Variants in ATP6AP2 observed in about 807,000 individuals in gnomAD.
ATP6AP2 encodes renin receptor.
ATP6AP2 carries 1 observed loss-of-function variant against 23.4 expected under a neutral mutation model. That is an observed-to-expected ratio of 0.04 (90% CI 0.02 to 0.20). The LOEUF is 0.20. Among genes scored for constraint, ATP6AP2 ranks in the 10% least tolerant of loss-of-function variants. The pLI, the probability that ATP6AP2 is intolerant of heterozygous loss-of-function variation, is 1.00. For missense variants in ATP6AP2, 174 were observed against 271.3 expected, an observed-to-expected ratio of 0.64 and a Z score of 2.52; for synonymous variants, 90 against 97.1, an observed-to-expected ratio of 0.93 and a Z score of 0.43.
chrX:40,581,802 C>T (rs1290957946), intron 1 of ATP6AP2, among the ~76,000 whole-genome samples: 1 of 111,548 alleles, frequency 9.0e-6, no homozygotes, highest in African/African-American at 3.3e-5. Flanking sequence ...AAGAAATCAG[C>T]TAATACGTGG....
intron 3 of ATP6AP2, 174 bp from the exon 4 acceptor site, chrX:40,597,075 G>A: frequency 2.3e-6 from 1 of 443,151 alleles, no homozygotes; most frequent in Non-Finnish European, 4.0e-6. Flanking sequence ...TTACCAGGGG[G>A]CTGTTTAATC....
At chrX:40,593,784 G>A (rs1177845217) in intron 3 of ATP6AP2, among the ~76,000 whole-genome samples, 2 of 111,404 alleles carry the variant, frequency 1.8e-5, no homozygotes, top group East Asian at 5.6e-4. Context: ...TCTCAGTGCT[G>A]GGATTACAGG....
chrX:40,590,370 T>TTTTTG (rs1401089368), intron 2 of ATP6AP2: 2 of 108,839 alleles, frequency 1.8e-5, no homozygotes, highest in African/African-American at 6.7e-5. Context: ...CCTAATTCTT[T>TTTTTG]TTTTGTTTTG....
At chrX:40,601,962 A>G (rs5963812) in intron 8 of ATP6AP2, among the ~76,000 whole-genome samples, 15,270 of 112,031 alleles carry the variant, frequency 0.14, 2,073 homozygotes, top group African/African-American at 0.4. Context: ...TAGAAATGCT[A>G]GATAAAAATA....
intron 8 of ATP6AP2, among the ~76,000 whole-genome samples, chrX:40,602,933 TTTTTTTTTG>T (rs1309730524): frequency 0.03 from 352 of 11,665 alleles, 10 homozygotes; most frequent in Non-Finnish European, 0.059. Flanking sequence ...TTTTTTTTTT[TTTTTTTTTG>T]GATTTTTTGG....
At chrX:40,581,622 A>G (rs1314239451) in intron 1 of ATP6AP2, among the ~76,000 whole-genome samples, 2 of 112,201 alleles carry the variant, frequency 1.8e-5, no homozygotes, top group Non-Finnish European at 3.8e-5. Context: ...CATTATTTTT[A>G]TATGACTTAT....
chrX:40,600,528 A>C (rs1926878093), intron 7 of ATP6AP2: 1 of 276,090 alleles, frequency 3.6e-6, no homozygotes, highest in African/African-American at 2.8e-5. Flanking sequence ...TTGTAGCTGC[A>C]CAAAAGCTTT....
intron 7 of ATP6AP2, 170 bp downstream of exon 7, chrX:40,599,911 T>TA (rs763228538): frequency 1.9e-6 from 1 of 523,510 alleles, no homozygotes; most frequent in Non-Finnish European, 3.1e-6. Context: ...TGTATATTGA[T>TA]ATATTTCTTC....
At chrX:40,590,701 C>T (rs1926607019) in intron 2 of ATP6AP2, 2 of 120,629 alleles carry the variant, frequency 1.7e-5, no homozygotes, top group South Asian at 2.9e-4. Context: ...CAACCTTAAA[C>T]TTGACTACTG....
chrX:40,591,557 T>A, intron 3 of ATP6AP2, 192 bp downstream of exon 3: 2 of 493,949 alleles, frequency 4.0e-6, no homozygotes, highest in East Asian at 8.3e-5. Flanking sequence ...GGCTTGGCTG[T>A]TCTCTGTGGA....
At chrX:40,590,157 C>G (rs1412119651) in intron 2 of ATP6AP2, 1 of 111,705 alleles carries the variant, frequency 9.0e-6, no homozygotes, top group Non-Finnish European at 1.9e-5. Flanking sequence ...CCTGCCTCAG[C>G]CTCCTGCCTC....
chrX:40,606,711 T>A lies in ATP6AP2; in HGVS notation c.*956T>A, dbSNP rs1927078574. 1 of 112,177 alleles carries A rather than the reference T, an allele frequency of 8.9e-6. No individual in the cohort carries two copies. The highest frequency in any genetic ancestry group is 3.2e-5 in the African/African-American group (1 of 30,781). 9.2% of individuals were successfully genotyped at this position (112,177 alleles called of 1,213,427 possible). A position where few individuals can be genotyped will look rare whatever the true frequency, so the allele number is the denominator to read the frequency against. ...AAAACAGGCTTTTCTTTCATCAGGA[T>A]TGGCTGTTTTGTTGTACAGATAATT... On this transcript the variant is annotated 3_prime_UTR_variant, in exon 9 of 9. Coordinates refer to ENST00000636580, the MANE Select transcript of ATP6AP2 (RefSeq NM_005765.3).
At chrX:40,586,528 G>A (rs1178289692) in intron 1 of ATP6AP2, among the ~76,000 whole-genome samples, 3 of 111,827 alleles carry the variant, frequency 2.7e-5, no homozygotes, top group African/African-American at 9.8e-5. Flanking sequence ...GAGGTTATCT[G>A]GTGAGACTGA....
intron 3 of ATP6AP2, chrX:40,591,761 G>A: frequency 4.9e-6 from 1 of 203,277 alleles, no homozygotes; most frequent in East Asian, 1.3e-4. Context: ...GCTGCTTGCT[G>A]GCTCACTTAC....
At chrX:40,591,042 T>C in intron 2 of ATP6AP2, 192 bp from the exon 3 acceptor site, 2 of 454,194 alleles carry the variant, frequency 4.4e-6, no homozygotes. Context: ...TTTAAGAAAA[T>C]GAAGAGGGTA....
At chrX:40,594,983 A>C (rs983088745) in intron 3 of ATP6AP2, among the ~76,000 whole-genome samples, 16 of 112,221 alleles carry the variant, frequency 1.4e-4, no homozygotes, top group Non-Finnish European at 3.0e-4. Context: ...ATACACATAA[A>C]GTAGAAGGAA....
At chrX:40,605,312 A>G (rs764982536) in intron 8 of ATP6AP2, 3 of 388,453 alleles carry the variant, frequency 7.7e-6, no homozygotes, top group African/African-American at 7.6e-5. Flanking sequence ...ATCACAGGAT[A>G]TGCACACCTT....
intron 8 of ATP6AP2, among the ~76,000 whole-genome samples, chrX:40,604,870 A>G (rs765539375): frequency 1.5e-4 from 16 of 109,798 alleles, no homozygotes; most frequent in Non-Finnish European, 1.7e-4. Context: ...GCTGTAGTTT[A>G]GTCATTTTAC....
chrX:40,597,150 C>T, intron 3 of ATP6AP2, 99 bp from the exon 4 acceptor site: 1 of 678,770 alleles, frequency 1.5e-6, no homozygotes, highest in African/African-American at 2.1e-5. Flanking sequence ...ATAGAAAGTG[C>T]TGGAAAAAAG....
Sources: gnomAD v4.1 joint callset for allele counts (sites outside exome capture counted in the v4.1 genomes callset) on GRCh38, gnomAD v4.1.1 for gene constraint, MANE v1.5 for transcripts, NCBI Gene and HGNC (gene_info 2026-07-23, HGNC 2026-07-21) for gene names.